TENM1: variants seen among roughly 807,000 people sequenced by gnomAD.
TENM1 encodes teneurin transmembrane protein 1, also known as teneurin-1.
A neutral mutation model predicts 174.8 loss-of-function variants in TENM1; 35 were observed. The ratio of observed to expected loss-of-function variants is 0.20; its 90% CI spans 0.15 to 0.27. The LOEUF (loss-of-function observed/expected upper bound fraction) is 0.27, where lower values mean the gene tolerates loss of function less well. Ranked by LOEUF, TENM1 falls within the 10% of genes least tolerant of loss-of-function variation. TENM1 has a pLI of 1.00. For synonymous variants in TENM1, 781 were observed against 798.7 expected, an observed-to-expected ratio of 0.98 and a Z score of 0.37; for missense variants, 1,633 against 2,130.1, an observed-to-expected ratio of 0.77 and a Z score of 4.59.
the TENM1 span, among the ~76,000 whole-genome samples, chrX:125,141,157 A>G: frequency 7.5e-4 from 84 of 112,072 alleles, no homozygotes; most frequent in Non-Finnish European, 1.2e-3. Flanking sequence ...ATGTATTTAT[A>G]AGCTGAGCTG....
intron 10 of TENM1, 88 bp downstream of exon 13, chrX:124,645,055 T>C (rs1602891183): frequency 1.0e-6 from 1 of 962,766 alleles, no homozygotes; most frequent in East Asian, 3.1e-5. Context: ...CAAAGGCCAC[T>C]TGCATCTCTA....
rs980156693 is a variant in TENM1 at position 124,926,590 on chromosome X, T to C, written c.218-30349A>G. 4.5e-5 allele frequency among the ~76,000 whole-genome samples: 5 copies of C among 111,971 alleles called. No individual in the cohort carries two copies. The East Asian group carries it at 1.4e-3, about 32-fold the overall frequency. On this transcript the variant is annotated intron_variant, in intron 1 of 31. Coordinates refer to ENST00000422452, the Ensembl canonical transcript of TENM1. ...CTTTTCACTGCTGTATTCCCAACAC[T>C]AAAAATACTGCCTGACCCATAATAG...
the TENM1 span, among the ~76,000 whole-genome samples, chrX:125,195,660 T>G: frequency 1.8e-5 from 2 of 111,574 alleles, no homozygotes; most frequent in Non-Finnish European, 3.8e-5. Flanking sequence ...GAAAGATATA[T>G]CACAAATGTA....
At chrX:124,384,342 G>A (rs2060194987) in exon 30 of TENM1, 1 of 1,210,432 alleles carries the variant, frequency 8.3e-7, no homozygotes, top group Non-Finnish European at 1.1e-6. Flanking sequence ...GGAGTAAGAC[G>A]AGCACTCTTC....
rs746281735 is a variant in TENM1, at chrX:124,642,010, G to C, written c.1877-19C>G. The C allele has an allele frequency of 1.0e-5, 12 of 1,151,604 alleles. No homozygotes were observed. The highest frequency in any genetic ancestry group is 9.0e-5 in the South Asian group (5 of 55,360). 94.9% of individuals were successfully genotyped at this position (1,151,604 alleles called of 1,213,427 possible). On this transcript the variant is annotated intron_variant, in intron 10 of 31. Transcript: ENST00000422452. ...CAGTCCTCTGAAGGCACAAAAAAGT[G>C]GGGGGGAGGGGTGATTAATAGTGAA...
chrX:125,085,205 C>T, the TENM1 span, among the ~76,000 whole-genome samples: 4 of 110,488 alleles, frequency 3.6e-5, no homozygotes, highest in South Asian at 1.5e-3. Flanking sequence ...ATGTTACCTA[C>T]ACAAATGACA....
At chrX:124,575,155 T>C (rs1232212991) in intron 11 of TENM1, among the ~76,000 whole-genome samples, 1 of 112,118 alleles carries the variant, frequency 8.9e-6, no homozygotes, top group African/African-American at 3.2e-5. Context: ...TTATTGCATA[T>C]GGTTAAATTA....
chrX:125,167,951 G>A, the TENM1 span, among the ~76,000 whole-genome samples: 1 of 110,933 alleles, frequency 9.0e-6, no homozygotes, highest in East Asian at 2.9e-4. Flanking sequence ...TTGTGTCAAG[G>A]GATATATTTG....
chrX:124,738,179 C>G (rs772513821), intron 3 of TENM1, among the ~76,000 whole-genome samples: 54 of 111,898 alleles, frequency 4.8e-4, no homozygotes, highest in African/African-American at 1.6e-3. Context: ...AACACCAGCA[C>G]GTTCTGGATA....
At chrX:124,736,357 A>G (rs1205117907) in intron 4 of TENM1, among the ~76,000 whole-genome samples, 1 of 111,874 alleles carries the variant, frequency 8.9e-6, no homozygotes, top group Non-Finnish European at 1.9e-5. Flanking sequence ...TGAGGAGTCA[A>G]TCTAGAAATC....
rs377377731 is a variant in TENM1, at chrX:124,798,079, T to C, written c.536-60882A>G. ...CCATATATGTGCCACATTTTCTTTA[T>C]CCAGTCTATCATCAATGGGCATTTG... On this transcript the variant is annotated intron_variant, in intron 3 of 31. Transcript: ENST00000422452. Among the ~76,000 whole-genome samples the C allele has an allele frequency of 2.0e-4, 22 of 112,221 alleles. No homozygotes were observed. In the East Asian group the frequency reaches 5.6e-3, roughly 28 times the overall value.
chrX:124,722,836 T>C (rs1320618439), intron 4 of TENM1, among the ~76,000 whole-genome samples: 2 of 72,735 alleles, frequency 2.7e-5, no homozygotes, highest in African/African-American at 1.2e-4. Context: ...AGAGACTCCG[T>C]CTCAAAAAAA....
At chrX:124,619,585 G>T (rs2050471133) in intron 11 of TENM1, among the ~76,000 whole-genome samples, 1 of 111,556 alleles carries the variant, frequency 9.0e-6, no homozygotes, top group South Asian at 3.7e-4. Context: ...GAAATGGAAT[G>T]ACTGAGTTGA....
At chrX:124,725,314 A>T (rs972528400) in intron 4 of TENM1, among the ~76,000 whole-genome samples, 1 of 111,856 alleles carries the variant, frequency 8.9e-6, no homozygotes, top group African/African-American at 3.3e-5. Context: ...AGCCCCAGCA[A>T]CTAGAAGAGT....
chrX:124,696,080 CCA>C (rs753532676), intron 5 of TENM1, among the ~76,000 whole-genome samples: 1 of 111,886 alleles, frequency 8.9e-6, no homozygotes, highest in South Asian at 3.7e-4. Context: ...TTCAATACTC[CCA>C]CAGTCTCCTA....
intron 25 of TENM1, among the ~76,000 whole-genome samples, chrX:124,416,817 G>A (rs1300089095): frequency 8.9e-6 from 1 of 111,919 alleles, no homozygotes; most frequent in African/African-American, 3.3e-5. Flanking sequence ...GAGGCCTTTA[G>A]GAGGTGATTA....
intron 28 of TENM1, among the ~76,000 whole-genome samples, chrX:124,388,238 T>A (rs2060245390): frequency 9.0e-6 from 1 of 111,216 alleles, no homozygotes; most frequent in Admixed American, 9.5e-5. Flanking sequence ...CCTTTTCCAG[T>A]CACTGTACCA....
At chrX:124,815,236 T>C (rs1191496474) in intron 3 of TENM1, among the ~76,000 whole-genome samples, 2 of 111,866 alleles carry the variant, frequency 1.8e-5, no homozygotes, top group Non-Finnish European at 3.8e-5. Flanking sequence ...CCAATGTGCA[T>C]AAAATAAAAG....
At chrX:125,057,623 T>C in the TENM1 span, among the ~76,000 whole-genome samples, 1 of 111,628 alleles carries the variant, frequency 9.0e-6, no homozygotes, top group Non-Finnish European at 1.9e-5. Flanking sequence ...TTATGTGTTA[T>C]ATGAAAGGAG....
Sources: gnomAD v4.1 joint callset for allele counts (sites outside exome capture counted in the v4.1 genomes callset) on GRCh38, gnomAD v4.1.1 for gene constraint, MANE v1.5 for transcripts, NCBI Gene and HGNC (gene_info 2026-07-23, HGNC 2026-07-21) for gene names.